Variants in CFAP54 observed in about 807,000 individuals in gnomAD.
The protein encoded by CFAP54 is cilia- and flagella-associated protein 54.
CFAP54 carries 290 observed loss-of-function variants against 370.4 expected under a neutral mutation model. The observed-to-expected ratio is 0.78, with a 90% CI of 0.71 to 0.86. CFAP54 has a LOEUF of 0.86. CFAP54 is among the 40% of genes least tolerant of loss of function. CFAP54 has a pLI of 0.00. For synonymous variants in CFAP54, 1,206 were observed against 1,236.5 expected, an observed-to-expected ratio of 0.98 and a Z score of 0.52; for missense variants, 3,399 against 3,528.7, an observed-to-expected ratio of 0.96 and a Z score of 0.93.
At chr12:96,519,247 C>T (rs1056046425) in intron 6 of CFAP54, among the ~76,000 whole-genome samples, 176 bp downstream of exon 6, 3 of 152,040 alleles carry the variant, frequency 2.0e-5, no homozygotes, top group Non-Finnish European at 2.9e-5. Flanking sequence ...TACAGGCATG[C>T]GCCACCATGC....
Position 96,763,857 on chromosome 12 carries a change from TAAG to T in CFAP54, c.8041-291_8041-289del, listed in dbSNP as rs1162470131. Among the ~76,000 whole-genome samples the T allele has an allele frequency of 8.5e-5, 13 of 152,318 alleles. No homozygotes were observed. The South Asian group carries it at 2.5e-3, about 29-fold the overall frequency. On this transcript the variant is annotated intron_variant, in intron 58 of 67. Transcript: ENST00000524981. Reference sequence around the variant, plus strand: ...ATTATAGAAAATTAGAAAAAAATGATAAGAATAATTTAACTACCTTAAAACTTG... The same window carrying T: ...ATTATAGAAAATTAGAAAAAAATGATAATAATTTAACTACCTTAAAACTTG...
chr12:96,675,894 T>C (rs7971361), intron 39 of CFAP54, among the ~76,000 whole-genome samples: 132,399 of 149,282 alleles, frequency 0.89, 58,929 homozygotes, highest in East Asian at 0.96. Flanking sequence ...AGGATGAGAA[T>C]ACATGGACCC....
intron 64 of CFAP54, among the ~76,000 whole-genome samples, chr12:96,815,208 C>T (rs1958963365): frequency 6.6e-6 from 1 of 152,204 alleles, no homozygotes; most frequent in Non-Finnish European, 1.5e-5. Context: ...GCATCCTCTC[C>T]AGCGTCTGTT....
rs191870550 is a variant in CFAP54 at position 96,862,172 on chromosome 12, C to T, written c.*14+1220C>T. Among the ~76,000 whole-genome samples, 360 of 152,006 alleles carry T rather than the reference C, an allele frequency of 2.4e-3. 2 individuals carry two copies. The highest frequency in any genetic ancestry group is 0.01 in the Middle Eastern group (3 of 294). ...ATGAAGTTCTAAAGTCTGGGAAAAG[C>T]GAAGGTAGAATTGTTCTAGAATATA... On this transcript the variant is annotated intron_variant, in intron 67 of 67. Transcript: ENST00000524981.
intron 50 of CFAP54, among the ~76,000 whole-genome samples, chr12:96,721,996 G>A (rs1474846227): frequency 3.9e-5 from 6 of 152,096 alleles, no homozygotes; most frequent in Non-Finnish European, 7.3e-5. Context: ...TTTCAAGCCC[G>A]ACCACTGTCC....
At chr12:96,544,917 T>C (rs1392159085) in intron 14 of CFAP54, among the ~76,000 whole-genome samples, 1 of 151,756 alleles carries the variant, frequency 6.6e-6, no homozygotes, top group African/African-American at 2.4e-5. Flanking sequence ...TTCTTTTTTT[T>C]TTTTTTCCCT....
rs568021445 is a variant in CFAP54 at position 96,565,068 on chromosome 12, T to G, written c.2619+303T>G. 1.7e-5 allele frequency: 3 copies of G among 175,560 alleles called. No individual in the cohort carries two copies. In the East Asian group the frequency reaches 4.4e-4, roughly 26 times the overall value. 10.9% of individuals were successfully genotyped at this position (175,560 alleles called of 1,614,324 possible). A position where few individuals can be genotyped will look rare whatever the true frequency, so the allele number is the denominator to read the frequency against. On this transcript the variant is annotated intron_variant, in intron 19 of 67. Coordinates refer to ENST00000524981, the MANE Select transcript of CFAP54 (RefSeq NM_001306084.2). Reference sequence around the variant, plus strand: ...AGTGACACTTTACCAGCTTAATGTATTCTTTACAATGGAATTAAAATTCTT... The same window carrying G: ...AGTGACACTTTACCAGCTTAATGTAGTCTTTACAATGGAATTAAAATTCTT...
intron 26 of CFAP54, among the ~76,000 whole-genome samples, chr12:96,617,989 C>CAAAAAAAGAA: frequency 1.7e-5 from 2 of 117,138 alleles, no homozygotes; most frequent in East Asian, 4.9e-4. Flanking sequence ...GACTTTGTCT[C>CAAAAAAAGAA]AAAAAAAAAA....
chr12:96,640,567 A>G (rs184314164), intron 32 of CFAP54, among the ~76,000 whole-genome samples: 100 of 152,330 alleles, frequency 6.6e-4, no homozygotes, highest in African/African-American at 2.4e-3. Flanking sequence ...CAGAATTGGA[A>G]AAACCTACTT....
chr12:96,667,201 T>C (rs1957090505), intron 39 of CFAP54, among the ~76,000 whole-genome samples: 1 of 152,178 alleles, frequency 6.6e-6, no homozygotes, highest in Admixed American at 6.5e-5. Flanking sequence ...CTGTGGCTTT[T>C]CTGTGCACAC....
chr12:96,865,656 A>G lies in CFAP54; in HGVS notation c.*14+4704A>G, dbSNP rs567852966. 6.6e-5 allele frequency among the ~76,000 whole-genome samples: 10 copies of G among 152,142 alleles called. No homozygotes were observed. In the South Asian group the frequency reaches 1.5e-3, roughly 22 times the overall value. On this transcript the variant is annotated intron_variant, in intron 67 of 67. Transcript: ENST00000524981. ...ATTAGTCTCTACTTCTTTTGCATAC[A>G]TAATGTGTTTCATAAATTAAAAACA...
At position 96,678,081 on chromosome 12, in the gene CFAP54, C is replaced by T. The variant is rs112085585; in HGVS notation, c.5564-1519C>T. Among the ~76,000 whole-genome samples the T allele has an allele frequency of 1.5e-3, 225 of 152,188 alleles. 1 individual carries two copies. Among genetic ancestry groups the T allele is most frequent in the Middle Eastern group, 6.8e-3 (2 of 294 alleles). ...TGGGGAAGGCACTGGACTTGAACACCGGTTCTTCCATTCATCTCTTCTTAA... is the reference window on the plus strand; with the variant it reads ...TGGGGAAGGCACTGGACTTGAACACTGGTTCTTCCATTCATCTCTTCTTAA... On this transcript the variant is annotated intron_variant, in intron 39 of 67. Transcript: ENST00000524981.
intron 66 of CFAP54, among the ~76,000 whole-genome samples, chr12:96,838,630 A>G (rs1455557712): frequency 6.6e-6 from 1 of 152,130 alleles, no homozygotes; most frequent in Non-Finnish European, 1.5e-5. Context: ...CAAGAAGGGC[A>G]TGAGGGAAAC....
intron 26 of CFAP54, among the ~76,000 whole-genome samples, chr12:96,610,812 A>C (rs1956350084): frequency 6.6e-6 from 1 of 152,168 alleles, no homozygotes; most frequent in Non-Finnish European, 1.5e-5. Context: ...TCTGAGACCG[A>C]GCTGCAAGGT....
In CFAP54 at chr12:96,612,262, C is replaced by T. The variant is rs144407800; in HGVS notation, c.3640-9328C>T. Among the ~76,000 whole-genome samples, 1,455 of 152,228 alleles carry T rather than the reference C, an allele frequency of 9.6e-3. 30 individuals are homozygous for T. Among genetic ancestry groups the T allele is most frequent in the African/African-American group, 0.033 (1,386 of 41,536 alleles). ...CATTCTTAAAGAAAAGAATTTTAAA[C>T]CTAGAATTTCATATCCAGCCAAACT... On this transcript the variant is annotated intron_variant, in intron 26 of 67. Coordinates refer to ENST00000524981, the MANE Select transcript of CFAP54 (RefSeq NM_001306084.2).
intron 9 of CFAP54, among the ~76,000 whole-genome samples, chr12:96,529,537 A>G (rs545973900): frequency 6.6e-6 from 1 of 152,136 alleles, no homozygotes; most frequent in South Asian, 2.1e-4. Context: ...TGTCTTTCTC[A>G]TTTTGTCCAT....
intron 29 of CFAP54, 105 bp from the exon 30 acceptor site, chr12:96,626,708 A>G: frequency 1.9e-6 from 1 of 534,400 alleles, no homozygotes; most frequent in East Asian, 3.1e-5. Flanking sequence ...AAAGCAGATT[A>G]ATAAACTTGC....
Position 96,792,466 on chromosome 12 carries a change from C to G in CFAP54, c.8817C>G (p.Pro2939=). 1.3e-6 allele frequency: 2 copies of G among 1,535,658 alleles called. No homozygotes were observed. Among genetic ancestry groups the G allele is most frequent in the Non-Finnish European group, 1.7e-6 (2 of 1,146,662 alleles). The change falls in exon 63 of 68, where the codon CCC becomes CCG. Residue 2939 remains proline (P), a synonymous_variant. Transcript: ENST00000524981. ...KELCFQWYIP[P]LDRPPKETEP... is the part of the protein sequence containing the mutation. ...TTTGCTTTCAATGGTACATTCCTCC[C>G]CTGGATAGACCTCCCAAGGAGACAG... is the stretch of plus-strand genomic sequence containing the variant.
At chr12:96,551,482 GGT>G (rs1480103235) in intron 15 of CFAP54, among the ~76,000 whole-genome samples, 4 of 98,338 alleles carry the variant, frequency 4.1e-5, no homozygotes, top group Non-Finnish European at 8.1e-5. Context: ...TTCTTGAATG[GGT>G]ATGTGTGTGT....
Sources: allele counts gnomAD v4.1 joint callset (sites outside exome capture counted in the v4.1 genomes callset), GRCh38; gene constraint gnomAD v4.1.1; transcripts MANE v1.5; gene names NCBI Gene and HGNC (gene_info 2026-07-23, HGNC 2026-07-21).